SBF2: variants seen among roughly 807,000 people sequenced by gnomAD.
SBF2 encodes the protein myotubularin-related protein 13.
A neutral mutation model predicts 225.2 loss-of-function variants in SBF2; 112 were observed. That is an observed-to-expected ratio of 0.50 (90% CI 0.43 to 0.58). The LOEUF is 0.58. Ranked by LOEUF, SBF2 falls within the 20% of genes least tolerant of loss-of-function variation. SBF2 has a pLI of 0.00. For synonymous variants in SBF2, 763 were observed against 773.3 expected (o/e 0.99, Z 0.22); for missense variants, 1,996 against 2,206.2 (o/e 0.90, Z 1.91).
At chr11:9,921,330 A>T (rs568452351) in intron 16 of SBF2, among the ~76,000 whole-genome samples, 11 of 152,238 alleles carry the variant, frequency 7.2e-5, no homozygotes, top group Admixed American at 2.0e-4. Flanking sequence ...TGGGCCTCCC[A>T]AAGTGCTGGG....
Position 9,847,058 on chromosome 11 carries a change from G to A in SBF2, c.2832C>T (p.Ser944=). ...QLVGEQTVVR[S]FPIASITKEK... ...CCTTGGTGATGGAGGCAATGGGAAA[G>A]CTCCGCACAACTGTCTGCTCACCCA... Residue 944 remains serine (S), a synonymous_variant, in exon 23 of 40, where the codon AGC becomes AGT. Transcript: ENST00000256190. The A allele has an allele frequency of 6.2e-7, 1 of 1,613,814 alleles. No homozygotes were observed. The highest frequency in any genetic ancestry group is 8.5e-7 in the Non-Finnish European group (1 of 1,179,744).
chr11:10,059,717 C>A (rs1018461469), intron 2 of SBF2, among the ~76,000 whole-genome samples: 1 of 152,050 alleles, frequency 6.6e-6, no homozygotes, highest in Admixed American at 6.6e-5. Context: ...GAAGTCAACA[C>A]AATGAAAATT....
chr11:9,839,501 C>T lies in SBF2; in HGVS notation c.3452G>A (p.Arg1151Gln), dbSNP rs750893713. ...TGGAGCCCACTGACACACTTACCTC[C>T]GGCAGAGTGAATACATCCTGTTGGA... ...TASNRMYSLCRSYPGLLVVPQ... is the reference protein window; with the variant it reads ...TASNRMYSLCQSYPGLLVVPQ... The change falls in exon 26 of 40, where the codon CGG (arginine) becomes CAG (glutamine). Residue 1151 changes from arginine (R) to glutamine (Q), a missense_variant. Transcript: ENST00000256190. The T allele has an allele frequency of 1.7e-5, 28 of 1,613,964 alleles. No individual in the cohort carries two copies. Among genetic ancestry groups the T allele is most frequent in the South Asian group, 9.9e-5 (9 of 91,074 alleles).
chr11:10,232,407 G>T (rs909817612), intron 1 of SBF2, among the ~76,000 whole-genome samples: 8 of 152,174 alleles, frequency 5.3e-5, no homozygotes, highest in Admixed American at 2.0e-4. Context: ...CTCACGCTGG[G>T]AGCTGTAGAC....
chr11:10,004,534 C>T (rs1948103359), intron 6 of SBF2, among the ~76,000 whole-genome samples: 1 of 145,732 alleles, frequency 6.9e-6, no homozygotes, highest in African/African-American at 2.5e-5. Flanking sequence ...CCAGGAAAAC[C>T]AACCTCCATT....
intron 17 of SBF2, among the ~76,000 whole-genome samples, chr11:9,874,072 A>C (rs1228609063): frequency 6.6e-6 from 1 of 151,220 alleles, no homozygotes; most frequent in Admixed American, 6.6e-5. Context: ...AAAAAAAAAG[A>C]GCATATTTCT....
chr11:9,801,090 T>C (rs955311161), intron 32 of SBF2, among the ~76,000 whole-genome samples: 1 of 152,218 alleles, frequency 6.6e-6, no homozygotes, highest in South Asian at 2.1e-4. Context: ...TTGGGAATGA[T>C]AGGTATTTCA....
At chr11:10,091,590 A>G (rs1951784548) in intron 2 of SBF2, among the ~76,000 whole-genome samples, 1 of 152,228 alleles carries the variant, frequency 6.6e-6, no homozygotes, top group Non-Finnish European at 1.5e-5. Context: ...ATAATAAAGC[A>G]AACAATTACT....
chr11:10,301,552 A>G (rs1964599091), intron 1 of SBF2, among the ~76,000 whole-genome samples: 1 of 152,232 alleles, frequency 6.6e-6, no homozygotes, highest in Non-Finnish European at 1.5e-5. Context: ...TAAATGCATC[A>G]TAAAATTTCC....
chr11:10,089,401 G>A (rs1409494865), intron 2 of SBF2, among the ~76,000 whole-genome samples: 3 of 152,170 alleles, frequency 2.0e-5, no homozygotes, highest in Non-Finnish European at 4.4e-5. Flanking sequence ...AAGTTTCACT[G>A]TTTCTTGATT....
chr11:9,906,907 G>A (rs563476569), intron 16 of SBF2, among the ~76,000 whole-genome samples: 12 of 152,066 alleles, frequency 7.9e-5, no homozygotes, highest in African/African-American at 2.2e-4. Flanking sequence ...CAATTACTTC[G>A]TACTTTTAAC....
chr11:10,150,463 T>G (rs1215159398), intron 2 of SBF2, among the ~76,000 whole-genome samples: 1 of 152,092 alleles, frequency 6.6e-6, no homozygotes, highest in Non-Finnish European at 1.5e-5. Context: ...TTCTGGAGAA[T>G]GGGATTACTG....
chr11:10,007,001 A>G (rs1437109594), intron 6 of SBF2, among the ~76,000 whole-genome samples: 1 of 152,202 alleles, frequency 6.6e-6, no homozygotes, highest in Non-Finnish European at 1.5e-5. Context: ...GACCCATACG[A>G]CAGACATGAA....
rs1378420700 is a variant in SBF2, at chr11:9,998,391, A to T, written c.862-12T>A. The T allele has an allele frequency of 1.4e-6, 2 of 1,417,922 alleles. No individual in the cohort carries two copies. Among genetic ancestry groups the T allele is most frequent in the African/African-American group, 1.4e-5 (1 of 70,974 alleles). The allele number at this position is 1,417,922 out of a possible 1,614,324, so 87.8% of individuals were successfully genotyped here. A position where few individuals can be genotyped will look rare whatever the true frequency, so the allele number is the denominator to read the frequency against. On this transcript the variant is annotated splice_polypyrimidine_tract_variant and intron_variant, in intron 8 of 39. Coordinates refer to ENST00000256190, the MANE Select transcript of SBF2 (RefSeq NM_030962.4). ...ATGATTACATCTAACTGAAAGAGAT[A>T]AAAAAATTAACCTATAATTACCAAA...
chr11:10,277,267 A>AC, intron 1 of SBF2, among the ~76,000 whole-genome samples: 1 of 151,162 alleles, frequency 6.6e-6, no homozygotes, highest in South Asian at 2.1e-4. Flanking sequence ...AAACAAACAA[A>AC]AAATCATGCA....
chr11:9,934,068 C>G (rs1389626917), intron 16 of SBF2, among the ~76,000 whole-genome samples: 1 of 134,646 alleles, frequency 7.4e-6, no homozygotes, highest in African/African-American at 2.9e-5. Flanking sequence ...GGTGACAGAG[C>G]GAGACTGTCT....
rs563977251 is a variant in SBF2 at position 9,835,676 on chromosome 11, G to A, written c.3456-3256C>T. On this transcript the variant is annotated intron_variant, in intron 26 of 39. Coordinates refer to ENST00000256190, the MANE Select transcript of SBF2 (RefSeq NM_030962.4). ...TACTACTATCCTGACTAACAATGTG[G>A]ATGAATTTTGCTTCTTTTTGAATTC... Among the ~76,000 whole-genome samples the A allele has an allele frequency of 1.6e-4, 23 of 145,260 alleles. 1 individual carries two copies. Among genetic ancestry groups the A allele is most frequent in the African/African-American group, 5.8e-4 (23 of 39,448 alleles).
At chr11:10,124,330 TACTC>T (rs1288412433) in intron 2 of SBF2, among the ~76,000 whole-genome samples, 2 of 152,252 alleles carry the variant, frequency 1.3e-5, no homozygotes, top group African/African-American at 2.4e-5. Flanking sequence ...CCTGCCTACT[TACTC>T]TATCTGATTA....
chr11:10,093,021 C>T (rs960718959), intron 2 of SBF2, among the ~76,000 whole-genome samples: 238 of 145,402 alleles, frequency 1.6e-3, no homozygotes, highest in Non-Finnish European at 2.1e-3. Context: ...TTCCTTCTTT[C>T]TTTTTTTTTT....
Sources: gnomAD v4.1 joint callset for allele counts (sites outside exome capture counted in the v4.1 genomes callset) on GRCh38, gnomAD v4.1.1 for gene constraint, MANE v1.5 for transcripts, NCBI Gene and HGNC (gene_info 2026-07-23, HGNC 2026-07-21) for gene names.